EFR3A: variants seen among roughly 807,000 people sequenced by gnomAD.
EFR3A encodes EFR3 homolog A.
A neutral mutation model predicts 104.4 loss-of-function variants in EFR3A; 76 were observed. The ratio of observed to expected loss-of-function variants is 0.73; its 90% CI spans 0.60 to 0.88. The LOEUF is 0.88. Among genes scored for constraint, EFR3A ranks in the 40% least tolerant of loss-of-function variants. The pLI, the probability that EFR3A is intolerant of heterozygous loss-of-function variation, is 0.00. For synonymous variants in EFR3A, 330 were observed against 330.0 expected, an observed-to-expected ratio of 1.00 and a Z score of 0.00; for missense variants, 985 against 1,012.5, an observed-to-expected ratio of 0.97 and a Z score of 0.37.
At chr8:131,999,186 A>G (rs954990414) in intron 19 of EFR3A, among the ~76,000 whole-genome samples, 11 of 152,160 alleles carry the variant, frequency 7.2e-5, no homozygotes, top group African/African-American at 2.7e-4. Flanking sequence ...ATTTTTTGAT[A>G]TAAAATTAAG....
intron 1 of EFR3A, among the ~76,000 whole-genome samples, chr8:131,931,079 G>C: frequency 6.6e-6 from 1 of 152,066 alleles, no homozygotes; most frequent in Non-Finnish European, 1.5e-5. Flanking sequence ...ATGGTGGGAG[G>C]GGGAGGCTTA....
intron 4 of EFR3A, among the ~76,000 whole-genome samples, chr8:131,948,340 C>T (rs1324578003): frequency 6.6e-6 from 1 of 152,060 alleles, no homozygotes; most frequent in East Asian, 1.9e-4. Flanking sequence ...AATGAGAATA[C>T]CAATCTCACA....
In EFR3A at chr8:131,952,617, T is replaced by C. The variant is rs555479395; in HGVS notation, c.489-1201T>C. Among the ~76,000 whole-genome samples the C allele has an allele frequency of 3.3e-5, 5 of 152,288 alleles. No homozygotes were observed. In the South Asian group the frequency reaches 1.0e-3, roughly 32 times the overall value. On this transcript the variant is annotated intron_variant, in intron 5 of 22. Transcript: ENST00000254624. Reference sequence around the variant, plus strand: ...AGGTATGTAAAGCAGGCACCTTGTGTAGGAATGTTAGGCTTGCCCACTGTG... The same window carrying C: ...AGGTATGTAAAGCAGGCACCTTGTGCAGGAATGTTAGGCTTGCCCACTGTG...
chr8:131,980,375 A>G lies in EFR3A; in HGVS notation c.1575+954A>G, dbSNP rs189075070. ...CCTAAATTAATGTGATTCCTTGAAT[A>G]AAATATTTAAATGAGGCTATACTGT... On this transcript the variant is annotated intron_variant, in intron 14 of 22. Transcript: ENST00000254624. 4.5e-4 allele frequency among the ~76,000 whole-genome samples: 68 copies of G among 152,294 alleles called. 2 individuals carry two copies. The highest frequency in any genetic ancestry group is 1.6e-3 in the African/African-American group (68 of 41,564).
chr8:132,010,407 G>GATAGATAT (rs1554610359), intron 22 of EFR3A, among the ~76,000 whole-genome samples: 2 of 81,878 alleles, frequency 2.4e-5, no homozygotes, highest in Admixed American at 1.3e-4. Flanking sequence ...TCAAGTATGA[G>GATAGATAT]ATATATATAT....
At chr8:131,926,203 G>A (rs1204615371) in intron 1 of EFR3A, among the ~76,000 whole-genome samples, 1 of 152,028 alleles carries the variant, frequency 6.6e-6, no homozygotes, top group Non-Finnish European at 1.5e-5. Flanking sequence ...CTAATTCATT[G>A]ATCAAGAAAT....
chr8:131,925,124 C>A (rs1174067015), intron 1 of EFR3A, among the ~76,000 whole-genome samples: 2 of 152,048 alleles, frequency 1.3e-5, no homozygotes, highest in Non-Finnish European at 2.9e-5. Flanking sequence ...GTTTGAGTCT[C>A]AGGAATATAT....
intron 4 of EFR3A, among the ~76,000 whole-genome samples, chr8:131,947,481 G>A (rs540830656): frequency 6.7e-6 from 1 of 149,378 alleles, no homozygotes; most frequent in South Asian, 2.1e-4. Flanking sequence ...CTTTCTTCAT[G>A]GTATGCTTTG....
intron 18 of EFR3A, among the ~76,000 whole-genome samples, chr8:131,989,617 C>G (rs1821064160): frequency 6.6e-6 from 1 of 152,116 alleles, no homozygotes; most frequent in African/African-American, 2.4e-5. Flanking sequence ...AAATATTGTT[C>G]AGGCATCCAG....
chr8:131,920,374 A>C (rs924910742), intron 1 of EFR3A, among the ~76,000 whole-genome samples: 10 of 152,156 alleles, frequency 6.6e-5, no homozygotes, highest in African/African-American at 2.4e-4. Context: ...GTATGCAGGG[A>C]GTTTACCAGG....
intron 8 of EFR3A, among the ~76,000 whole-genome samples, chr8:131,967,595 A>C (rs1410510537): frequency 6.6e-6 from 1 of 151,482 alleles, no homozygotes; most frequent in African/African-American, 2.4e-5. Context: ...AAACCTATTC[A>C]CTGGAGTTAA....
In EFR3A at chr8:131,965,465, C is replaced by T. The variant is rs1335139693; in HGVS notation, c.856-2830C>T. On this transcript the variant is annotated intron_variant, in intron 8 of 22. Transcript: ENST00000254624. ...GCCAAAAGACACATGAGATAATGCT[C>T]ATCATCACTGGCCATCAGATAAATG... Among the ~76,000 whole-genome samples the T allele has an allele frequency of 2.0e-5, 3 of 152,218 alleles. No homozygotes were observed. In the East Asian group the frequency reaches 5.8e-4, roughly 29 times the overall value.
intron 1 of EFR3A, among the ~76,000 whole-genome samples, chr8:131,905,107 C>G (rs920166546): frequency 3.9e-5 from 6 of 152,184 alleles, no homozygotes; most frequent in African/African-American, 1.2e-4. Context: ...CGCAGTGTGA[C>G]TTTATAGCCA....
In EFR3A at chr8:132,013,596, A is replaced by T. The variant is rs904120851; in HGVS notation, c.*2701A>T. ...TGTATATAAGTTCATTTTTATAGCT[A>T]TTGTTACATTTAATTAAATTTATTC... On this transcript the variant is annotated 3_prime_UTR_variant, in exon 23 of 23. Coordinates refer to ENST00000254624, the MANE Select transcript of EFR3A (RefSeq NM_015137.6). 1 of 152,530 alleles carries T rather than the reference A, an allele frequency of 6.6e-6. No homozygotes were observed. The highest frequency in any genetic ancestry group is 1.5e-5 in the Non-Finnish European group (1 of 68,032). The allele number at this position is 152,530 out of a possible 1,614,324, so 9.4% of individuals were successfully genotyped here. A position where few individuals can be genotyped will look rare whatever the true frequency, so the allele number is the denominator to read the frequency against.
intron 6 of EFR3A, 120 bp from the exon 7 acceptor site, chr8:131,955,648 A>G: frequency 3.0e-6 from 3 of 1,013,150 alleles, no homozygotes; most frequent in Admixed American, 2.5e-5. Flanking sequence ...TAAGCTATAT[A>G]TTTTCTGGAG....
chr8:131,931,806 T>G (rs1180669211), intron 1 of EFR3A, among the ~76,000 whole-genome samples: 2 of 152,066 alleles, frequency 1.3e-5, no homozygotes, highest in Non-Finnish European at 2.9e-5. Flanking sequence ...TCTTTTTGTC[T>G]TCATCTTTTT....
intron 1 of EFR3A, chr8:131,938,354 A>T (rs1161865432): frequency 2.0e-5 from 8 of 396,874 alleles, no homozygotes; most frequent in Non-Finnish European, 3.6e-5. Flanking sequence ...TCTGATATTT[A>T]TAAGTAGAAT....
At chr8:131,997,301 G>A (rs182343780) in intron 19 of EFR3A, among the ~76,000 whole-genome samples, 1 of 152,038 alleles carries the variant, frequency 6.6e-6, no homozygotes, top group African/African-American at 2.4e-5. Context: ...ATAATTAAAA[G>A]AATATCCATA....
At chr8:131,940,283 T>C in intron 1 of EFR3A, 1 of 547,396 alleles carries the variant, frequency 1.8e-6, no homozygotes, top group Non-Finnish European at 3.2e-6. Flanking sequence ...TGTATGCATG[T>C]TACCTAAAAA....
Sources: allele counts gnomAD v4.1 joint callset (sites outside exome capture counted in the v4.1 genomes callset), GRCh38; gene constraint gnomAD v4.1.1; transcripts MANE v1.5; gene names NCBI Gene and HGNC (gene_info 2026-07-23, HGNC 2026-07-21).